OTOGL: variants seen among roughly 807,000 people sequenced by gnomAD.
The protein encoded by OTOGL is otogelin like.
OTOGL carries 285 observed loss-of-function variants against 318.5 expected under a neutral mutation model. The ratio of observed to expected loss-of-function variants is 0.89; its 90% confidence interval spans 0.81 to 0.99. OTOGL has a LOEUF of 0.99. Among genes scored for constraint, OTOGL ranks in the 50% least tolerant of loss-of-function variants. The pLI is 0.00. For missense variants in OTOGL, 2,899 were observed against 2,845.6 expected, an observed-to-expected ratio of 1.02 and a Z score of -0.43; for synonymous variants, 987 against 936.5, an observed-to-expected ratio of 1.05 and a Z score of -0.99.
intron 37 of OTOGL, among the ~76,000 whole-genome samples, chr12:80,332,303 T>C (rs1395097851): frequency 2.0e-5 from 3 of 152,194 alleles, no homozygotes; most frequent in Non-Finnish European, 4.4e-5. Context: ...ACAGCAGCAA[T>C]AGGAAACTAA....
At chr12:80,136,569 C>T (rs1871584674) in intron 1 of OTOGL, among the ~76,000 whole-genome samples, 1 of 152,178 alleles carries the variant, frequency 6.6e-6, no homozygotes, top group Non-Finnish European at 1.5e-5. Context: ...ACCACCCTAG[C>T]TTCTTTGCTG....
chr12:80,153,707 A>C (rs1037825309), intron 1 of OTOGL, among the ~76,000 whole-genome samples: 2 of 152,166 alleles, frequency 1.3e-5, no homozygotes, highest in African/African-American at 4.8e-5. Flanking sequence ...CCGCCTCTGC[A>C]TCCCTCCTCT....
chr12:80,331,635 C>T lies in OTOGL; in HGVS notation c.4349-1370C>T, dbSNP rs543187496. ...GATTACAGATGACAGCCACCGTGCC[C>T]GGCCAGAAATATTAAAAGTTTTTAA... On this transcript the variant is annotated intron_variant, in intron 37 of 58. Transcript: ENST00000547103. 9.9e-5 allele frequency among the ~76,000 whole-genome samples: 15 copies of T among 152,148 alleles called. No homozygotes were observed. The East Asian group carries it at 1.9e-3, about 20-fold the overall frequency.
chr12:80,149,849 G>A (rs958579377), intron 1 of OTOGL, among the ~76,000 whole-genome samples: 8 of 151,912 alleles, frequency 5.3e-5, no homozygotes, highest in African/African-American at 1.9e-4. Context: ...CGGCTGACTA[G>A]GAAAGGGAGC....
intron 1 of OTOGL, among the ~76,000 whole-genome samples, chr12:80,116,027 C>A (rs1592464213): frequency 6.6e-6 from 1 of 152,326 alleles, no homozygotes; most frequent in Non-Finnish European, 1.5e-5. Flanking sequence ...ACTTGGTTCC[C>A]TGGCTTCTGC....
chr12:80,311,435 T>TTCTG (rs957031082), intron 30 of OTOGL, among the ~76,000 whole-genome samples: 11 of 152,174 alleles, frequency 7.2e-5, no homozygotes, highest in African/African-American at 2.4e-4. Flanking sequence ...CTTTCTTTCT[T>TTCTG]TTTATGAGAT....
chr12:80,187,445 T>C (rs1323125513), intron 1 of OTOGL, among the ~76,000 whole-genome samples: 2 of 152,064 alleles, frequency 1.3e-5, no homozygotes, highest in African/African-American at 2.4e-5. Context: ...GGAAGAGTAA[T>C]ACATTTTTAA....
intron 29 of OTOGL, 117 bp downstream of exon 29, chr12:80,305,812 T>A: frequency 1.2e-6 from 1 of 855,164 alleles, no homozygotes; most frequent in Non-Finnish European, 1.6e-6. Flanking sequence ...CATAGTAATT[T>A]ATAGCTGATA....
intron 4 of OTOGL, among the ~76,000 whole-genome samples, chr12:80,216,921 C>T (rs1355395981): frequency 6.6e-6 from 1 of 151,770 alleles, no homozygotes; most frequent in Admixed American, 6.6e-5. Context: ...ACGTTGTGCA[C>T]ATGTACCCTA....
At chr12:80,299,737 T>C (rs1402223234) in intron 27 of OTOGL, among the ~76,000 whole-genome samples, 2 of 152,158 alleles carry the variant, frequency 1.3e-5, no homozygotes, top group African/African-American at 2.4e-5. Context: ...TAATTCTCCA[T>C]AGTTCTAACA....
intron 29 of OTOGL, among the ~76,000 whole-genome samples, chr12:80,309,226 G>A (rs1015632044): frequency 6.6e-6 from 1 of 152,140 alleles, no homozygotes; most frequent in African/African-American, 2.4e-5. Flanking sequence ...AAGGAATTTA[G>A]AGTCTAGAGG....
chr12:80,222,030 G>A, intron 6 of OTOGL, 61 bp from the exon 7 acceptor site: 1 of 1,490,142 alleles, frequency 6.7e-7, no homozygotes, highest in Non-Finnish European at 9.1e-7. Flanking sequence ...ATGACTGACT[G>A]AACATTGCTA....
At chr12:80,154,378 G>A (rs1872984813) in intron 1 of OTOGL, among the ~76,000 whole-genome samples, 1 of 152,124 alleles carries the variant, frequency 6.6e-6, no homozygotes, top group African/African-American at 2.4e-5. Flanking sequence ...GAAAACTTAA[G>A]CTCAACTAAT....
intron 1 of OTOGL, among the ~76,000 whole-genome samples, chr12:80,155,394 T>C (rs1156445907): frequency 6.6e-6 from 1 of 152,198 alleles, no homozygotes; most frequent in Non-Finnish European, 1.5e-5. Context: ...GTTATATATG[T>C]TATATTCTAG....
intron 35 of OTOGL, 62 bp downstream of exon 35, chr12:80,323,902 A>AT (rs923721818): frequency 6.1e-6 from 8 of 1,307,402 alleles, no homozygotes; most frequent in African/African-American, 4.4e-5. Flanking sequence ...TTTTCAGTTG[A>AT]TTTTTTTCAA....
intron 34 of OTOGL, among the ~76,000 whole-genome samples, chr12:80,321,182 C>G (rs1409451584): frequency 1.3e-5 from 2 of 152,160 alleles, no homozygotes; most frequent in Non-Finnish European, 2.9e-5. Context: ...TTCTCTAGTT[C>G]AGCAGAAACC....
chr12:80,229,313 C>G lies in OTOGL; in HGVS notation c.546C>G (p.Ser182Arg). Residue 182 changes from serine (S) to arginine (R), a missense_variant, in exon 8 of 59, where the codon AGC (serine) becomes AGG (arginine). Physicochemically the swap from Ser to Arg is moderately radical, Grantham distance 110. Transcript: ENST00000547103. ...GSVYSCYRSI[S>R]LFFSNQEEIR... ...TGTATTCTTGTTATCGGTCAATCAG[C>G]TTGTTCTTTTCAAACCAAGAGGAAA... 2 of 1,596,024 alleles carry G rather than the reference C, an allele frequency of 1.3e-6. No homozygotes were observed. The highest frequency in any genetic ancestry group is 1.3e-5 in the African/African-American group (1 of 74,908).
chr12:80,185,816 T>C (rs1242084466), intron 1 of OTOGL, among the ~76,000 whole-genome samples: 3 of 152,230 alleles, frequency 2.0e-5, no homozygotes, highest in Non-Finnish European at 4.4e-5. Context: ...AAAGTCTATA[T>C]AGAAAAATGT....
intron 1 of OTOGL, among the ~76,000 whole-genome samples, chr12:80,104,960 G>T (rs1869369981): frequency 6.6e-6 from 1 of 152,062 alleles, no homozygotes; most frequent in African/African-American, 2.4e-5. Context: ...GCCAGACGTG[G>T]TGGTGCATGC....
Sources: allele counts gnomAD v4.1 joint callset (sites outside exome capture counted in the v4.1 genomes callset), GRCh38; gene constraint gnomAD v4.1.1; transcripts MANE v1.5; gene names NCBI Gene and HGNC (gene_info 2026-07-23, HGNC 2026-07-21).